Variants in CSMD1 observed in about 807,000 individuals in gnomAD.
CSMD1 encodes the protein CUB and sushi domain-containing protein 1.
A neutral mutation model predicts 417.5 loss-of-function variants in CSMD1; 213 were observed. The observed-to-expected ratio is 0.51, with a 90% CI of 0.46 to 0.57. The LOEUF (loss-of-function observed/expected upper bound fraction) is 0.57. Among genes scored for constraint, CSMD1 ranks in the 20% least tolerant of loss-of-function variants. The pLI, the probability that CSMD1 is intolerant of heterozygous loss-of-function variation, is 0.00. For missense variants in CSMD1, 6,923 were observed against 4,529.7 expected (o/e 1.53, Z -15.17); for synonymous variants, 2,862 against 1,736.8 (o/e 1.65, Z -16.11).
chr8:3,230,219 G>T lies in CSMD1; in HGVS notation c.4166C>A (p.Ala1389Asp). 6.3e-7 allele frequency: 1 copy of T among 1,585,396 alleles called. No individual in the cohort carries two copies. Among genetic ancestry groups the T allele is most frequent in the South Asian group, 1.1e-5 (1 of 87,176 alleles). ...FSIQFSTSIA[A>D]TCNDPGMPQN... is the part of the protein sequence containing the mutation. ...GGGCATACCTGGATCGTTACAGGTG[G>T]CTGCAATTGAGGCTGCAAACAAAAG... is the stretch of plus-strand genomic sequence containing the variant. Residue 1389 changes from alanine (A) to aspartate (D), a missense_variant, in exon 27 of 70, where the codon GCC becomes GAC. Coordinates refer to ENST00000635120, the MANE Select transcript of CSMD1 (RefSeq NM_033225.6).
chr8:3,258,373 C>A lies in CSMD1; in HGVS notation c.4153+25771G>T, dbSNP rs568284527. Among the ~76,000 whole-genome samples, 4 of 152,172 alleles carry A rather than the reference C, an allele frequency of 2.6e-5. No homozygotes were observed. The East Asian group carries it at 5.8e-4, about 22-fold the overall frequency. On this transcript the variant is annotated intron_variant, in intron 26 of 69. Coordinates refer to ENST00000635120, the MANE Select transcript of CSMD1 (RefSeq NM_033225.6). ...ACCATCACTGATCGTTAGAGAAATG[C>A]AAATTAAAACCAAAATGAGATACCA...
intron 1 of CSMD1, among the ~76,000 whole-genome samples, chr8:4,638,130 CT>C (rs771328470): frequency 3.3e-5 from 5 of 152,176 alleles, no homozygotes; most frequent in Non-Finnish European, 7.3e-5. Flanking sequence ...TATCCTGTCA[CT>C]TTAAAATACA....
At chr8:4,390,504 T>TATTTATTTATTTATTA in intron 3 of CSMD1, among the ~76,000 whole-genome samples, 1 of 146,086 alleles carries the variant, frequency 6.8e-6, no homozygotes, top group South Asian at 2.2e-4. Context: ...CATTTTTATT[T>TATTTATTTATTTATTA]ATTTATTTAT....
chr8:3,979,210 AT>A (rs1585068809), intron 5 of CSMD1, among the ~76,000 whole-genome samples: 1 of 152,158 alleles, frequency 6.6e-6, no homozygotes, highest in Non-Finnish European at 1.5e-5. Context: ...CCAAATCTCA[AT>A]AATGTATAGG....
intron 3 of CSMD1, among the ~76,000 whole-genome samples, chr8:4,076,610 T>G (rs777117510): frequency 2.6e-5 from 4 of 152,230 alleles, no homozygotes; most frequent in Non-Finnish European, 5.9e-5. Context: ...TAAAAACATT[T>G]GATAGTTGCC....
chr8:3,462,127 C>T (rs537433446), intron 12 of CSMD1, among the ~76,000 whole-genome samples: 5 of 152,078 alleles, frequency 3.3e-5, no homozygotes, highest in African/African-American at 4.8e-5. Context: ...TCCAGGCCCC[C>T]CCCCCCACCT....
intron 1 of CSMD1, among the ~76,000 whole-genome samples, chr8:4,762,715 G>A (rs149844845): frequency 2.6e-5 from 4 of 152,186 alleles, no homozygotes; most frequent in Admixed American, 2.6e-4. Context: ...TCACCAGAGC[G>A]AGCTATTGTG....
chr8:3,758,397 C>T (rs1797790420), intron 5 of CSMD1, among the ~76,000 whole-genome samples: 1 of 152,130 alleles, frequency 6.6e-6, no homozygotes. Context: ...CCTGATTTGA[C>T]CTTTTGCGTT....
chr8:4,774,722 C>A (rs1052679208), intron 1 of CSMD1, among the ~76,000 whole-genome samples: 1 of 152,114 alleles, frequency 6.6e-6, no homozygotes, highest in Non-Finnish European at 1.5e-5. Flanking sequence ...GGTTTGGTGC[C>A]ATGCCTTTGT....
At chr8:3,230,330 G>C (rs1798760356) in intron 26 of CSMD1, 99 bp from the exon 27 acceptor site, 1 of 901,764 alleles carries the variant, frequency 1.1e-6, no homozygotes, top group Non-Finnish European at 1.6e-6. Context: ...CTCTTCATTG[G>C]CCTAATAAGT....
At position 2,999,790 on chromosome 8, in the gene CSMD1, G is replaced by T. The variant is rs914210070; in HGVS notation, c.8203+168C>A. On this transcript the variant is annotated intron_variant, in intron 53 of 69. Transcript: ENST00000635120. ...ACGGGAAGGAGATCAAAAAAGGAAAGCGTGAACATGGCACCTCTCCTGTTC... is the reference window on the plus strand; with the variant it reads ...ACGGGAAGGAGATCAAAAAAGGAAATCGTGAACATGGCACCTCTCCTGTTC... 6.6e-5 allele frequency among the ~76,000 whole-genome samples: 10 copies of T among 151,890 alleles called. No homozygotes were observed. In the East Asian group the frequency reaches 7.8e-4, roughly 12 times the overall value.
chr8:4,402,382 G>C (rs1804702301), intron 3 of CSMD1, among the ~76,000 whole-genome samples: 1 of 151,746 alleles, frequency 6.6e-6, no homozygotes, highest in African/African-American at 2.4e-5. Context: ...GTTCCTCTCT[G>C]GCTCTGACCT....
chr8:3,588,039 T>G (rs1364231550), intron 8 of CSMD1, among the ~76,000 whole-genome samples: 1 of 152,072 alleles, frequency 6.6e-6, no homozygotes, highest in Non-Finnish European at 1.5e-5. Context: ...CGCCATCGTT[T>G]TTGATCATTG....
chr8:3,672,086 T>C (rs1173734582), intron 7 of CSMD1, among the ~76,000 whole-genome samples: 1 of 152,186 alleles, frequency 6.6e-6, no homozygotes, highest in Non-Finnish European at 1.5e-5. Flanking sequence ...AAGTGTATCA[T>C]TCTAAAAGGT....
chr8:4,028,060 T>G (rs977539467), intron 4 of CSMD1, among the ~76,000 whole-genome samples: 1 of 152,112 alleles, frequency 6.6e-6, no homozygotes, highest in Non-Finnish European at 1.5e-5. Context: ...GCCACCACTG[T>G]TTTGACAACA....
chr8:3,737,380 G>C (rs930131806), intron 6 of CSMD1, among the ~76,000 whole-genome samples: 1 of 152,098 alleles, frequency 6.6e-6, no homozygotes, highest in Non-Finnish European at 1.5e-5. Context: ...TCTTCATTGT[G>C]CAATCTTTAT....
intron 6 of CSMD1, among the ~76,000 whole-genome samples, chr8:3,748,949 T>G: frequency 6.6e-6 from 1 of 152,212 alleles, no homozygotes; most frequent in East Asian, 1.9e-4. Context: ...AAACACTTAC[T>G]TTCATGATGA....
intron 5 of CSMD1, among the ~76,000 whole-genome samples, chr8:3,974,297 T>C (rs1198509784): frequency 1.3e-5 from 2 of 151,758 alleles, no homozygotes; most frequent in African/African-American, 4.9e-5. Flanking sequence ...CTAGTATTCT[T>C]TTTTGATTTT....
At chr8:4,162,622 A>G (rs1446566113) in intron 3 of CSMD1, among the ~76,000 whole-genome samples, 2 of 152,184 alleles carry the variant, frequency 1.3e-5, no homozygotes, top group South Asian at 2.1e-4. Context: ...TTCACAAAAA[A>G]CATTGAGTAG....
Sources: allele counts gnomAD v4.1 joint callset (sites outside exome capture counted in the v4.1 genomes callset), GRCh38; gene constraint gnomAD v4.1.1; transcripts MANE v1.5; gene names NCBI Gene and HGNC (gene_info 2026-07-23, HGNC 2026-07-21).